The following DENND1A variants were observed in gnomAD, a reference collection of about 807,000 sequenced individuals.
DENND1A encodes DENN domain containing 1A, also known as DENN domain-containing protein 1A.
Under a neutral mutation model 113.7 loss-of-function variants are expected in DENND1A, and 51 were observed. The ratio of observed to expected loss-of-function variants is 0.45; its 90% CI spans 0.36 to 0.57. The LOEUF is 0.57. Among genes scored for constraint, DENND1A ranks in the 20% least tolerant of loss-of-function variants. The pLI, the probability that DENND1A is intolerant of heterozygous loss-of-function variation, is 0.00. For synonymous variants in DENND1A, 565 were observed against 570.8 expected (o/e 0.99, Z 0.14); for missense variants, 1,258 against 1,395.9 (o/e 0.90, Z 1.57).
chr9:123,585,384 T>C (rs1166298577), intron 11 of DENND1A, among the ~76,000 whole-genome samples: 1 of 152,258 alleles, frequency 6.6e-6, no homozygotes, highest in Non-Finnish European at 1.5e-5. Context: ...ACTTTGATTG[T>C]ATTAGGTTAG....
At chr9:123,916,538 T>C (rs1855178681) in intron 1 of DENND1A, among the ~76,000 whole-genome samples, 1 of 151,874 alleles carries the variant, frequency 6.6e-6, no homozygotes, top group African/African-American at 2.4e-5. Flanking sequence ...ACGCCCAGCT[T>C]ATTTTTGTAT....
At chr9:123,907,402 A>C (rs1188861170) in intron 1 of DENND1A, among the ~76,000 whole-genome samples, 1 of 152,100 alleles carries the variant, frequency 6.6e-6, no homozygotes, top group African/African-American at 2.4e-5. Context: ...GAGAAAGTCA[A>C]ATTGTCCCTG....
At chr9:123,556,573 G>A (rs1305713854) in intron 13 of DENND1A, among the ~76,000 whole-genome samples, 1 of 152,294 alleles carries the variant, frequency 6.6e-6, no homozygotes, top group East Asian at 1.9e-4. Context: ...AGTAAAAATA[G>A]AAACAAACAG....
intron 13 of DENND1A, among the ~76,000 whole-genome samples, chr9:123,548,606 TA>T (rs1436829539): frequency 2.0e-5 from 3 of 152,222 alleles, no homozygotes; most frequent in Non-Finnish European, 4.4e-5. Flanking sequence ...AACTATTAAT[TA>T]TACACACACA....
At position 123,447,526 on chromosome 9, in the gene DENND1A, C is replaced by T. The variant is rs142888011; in HGVS notation, c.1356+3167G>A. 1.9e-3 allele frequency among the ~76,000 whole-genome samples: 287 copies of T among 152,250 alleles called. 1 individual carries two copies. The highest frequency in any genetic ancestry group is 6.4e-3 in the African/African-American group (265 of 41,558). Reference sequence around the variant, plus strand: ...GTGACCTCTCCACAGGTCGGCCCCACATTTTCTATTTGCAATTCAAACCCA... The same window carrying T: ...GTGACCTCTCCACAGGTCGGCCCCATATTTTCTATTTGCAATTCAAACCCA... On this transcript the variant is annotated intron_variant, in intron 18 of 23. Coordinates refer to ENST00000394215, the MANE Select transcript of DENND1A (RefSeq NM_001352964.2).
intron 19 of DENND1A, among the ~76,000 whole-genome samples, chr9:123,431,488 C>A (rs2046130616): frequency 6.6e-6 from 1 of 152,230 alleles, no homozygotes; most frequent in South Asian, 2.1e-4. Flanking sequence ...CCTCTCACTA[C>A]AACCCAGGAA....
intron 13 of DENND1A, among the ~76,000 whole-genome samples, chr9:123,467,617 T>G (rs753196127): frequency 2.0e-5 from 3 of 152,152 alleles, no homozygotes; most frequent in Non-Finnish European, 4.4e-5. Context: ...ATCGCGCCAC[T>G]GCACTCCAGC....
chr9:123,495,170 T>TCTCTCTCTCTCTCTCTCTCTCTCTCTCTC (rs371539514), intron 13 of DENND1A, among the ~76,000 whole-genome samples: 92 of 149,524 alleles, frequency 6.2e-4, no homozygotes, highest in Admixed American at 7.3e-4. Context: ...TCTCTCTCTC[T>TCTCTCTCTCTCTCTCTCTCTCTCTCTCTC]TATAATGTCT....
At chr9:123,517,305 T>C (rs1423322008) in intron 13 of DENND1A, among the ~76,000 whole-genome samples, 1 of 146,354 alleles carries the variant, frequency 6.8e-6, no homozygotes, top group Non-Finnish European at 1.5e-5. Context: ...AACCCATTCA[T>C]ATCACAACAA....
intron 5 of DENND1A, among the ~76,000 whole-genome samples, chr9:123,703,096 C>A (rs1012891127): frequency 1.3e-5 from 2 of 152,154 alleles, no homozygotes; most frequent in Admixed American, 1.3e-4. Flanking sequence ...ATTCTCCTGG[C>A]TCAGCCACCC....
At chr9:123,662,511 C>T (rs549637571) in intron 8 of DENND1A, among the ~76,000 whole-genome samples, 42 of 152,154 alleles carry the variant, frequency 2.8e-4, no homozygotes, top group African/African-American at 7.7e-4. Flanking sequence ...TGCAGTGAGC[C>T]GAGATTGTGC....
intron 19 of DENND1A, among the ~76,000 whole-genome samples, chr9:123,435,715 G>A (rs1564483148): frequency 6.6e-6 from 1 of 152,190 alleles, no homozygotes; most frequent in Non-Finnish European, 1.5e-5. Context: ...TAGGACTAGG[G>A]TCCAGTGTCA....
At chr9:123,555,444 C>T (rs1321352147) in intron 13 of DENND1A, among the ~76,000 whole-genome samples, 1 of 152,220 alleles carries the variant, frequency 6.6e-6, no homozygotes, top group Admixed American at 6.5e-5. Flanking sequence ...GAAAATGGCG[C>T]ACTCACTGGC....
chr9:123,485,778 T>C (rs1286649321), intron 13 of DENND1A, among the ~76,000 whole-genome samples: 1 of 152,120 alleles, frequency 6.6e-6, no homozygotes, highest in Admixed American at 6.5e-5. Flanking sequence ...TTGAGGAGCA[T>C]GTGCTGGTTT....
chr9:123,928,203 C>T (rs543507818), intron 1 of DENND1A, among the ~76,000 whole-genome samples: 12 of 152,324 alleles, frequency 7.9e-5, no homozygotes, highest in African/African-American at 2.4e-4. Context: ...CAACCTGCTA[C>T]CTTGGAGAGC....
intron 13 of DENND1A, among the ~76,000 whole-genome samples, chr9:123,497,155 G>A (rs543955085): frequency 6.6e-6 from 1 of 152,306 alleles, no homozygotes; most frequent in African/African-American, 2.4e-5. Context: ...CACGGACCAC[G>A]TGGTGTTGGA....
intron 22 of DENND1A, among the ~76,000 whole-genome samples, chr9:123,387,497 T>C (rs1486972536): frequency 6.6e-6 from 1 of 152,224 alleles, no homozygotes; most frequent in Non-Finnish European, 1.5e-5. Flanking sequence ...CGTATCACCC[T>C]GTCACCTCTC....
At chr9:123,529,478 T>C (rs1222338765) in intron 13 of DENND1A, among the ~76,000 whole-genome samples, 1 of 152,030 alleles carries the variant, frequency 6.6e-6, no homozygotes, top group African/African-American at 2.4e-5. Context: ...TAACAACATC[T>C]GCCCAATAAA....
intron 13 of DENND1A, among the ~76,000 whole-genome samples, chr9:123,475,823 T>A (rs1029013317): frequency 6.6e-6 from 1 of 152,254 alleles, no homozygotes; most frequent in Non-Finnish European, 1.5e-5. Flanking sequence ...TACTCCTCCA[T>A]ATACGTATGT....
Sources: allele counts gnomAD v4.1 joint callset (sites outside exome capture counted in the v4.1 genomes callset), GRCh38; gene constraint gnomAD v4.1.1; transcripts MANE v1.5; gene names NCBI Gene and HGNC (gene_info 2026-07-23, HGNC 2026-07-21).